Variants in MSI2 observed in about 807,000 individuals in gnomAD.
The protein encoded by MSI2 is RNA-binding protein Musashi homolog 2.
In MSI2, 17 loss-of-function variants were observed where a neutral mutation model predicts 45.6. That is an observed-to-expected ratio of 0.37 (90% CI 0.26 to 0.56). The LOEUF is 0.56. Ranked by LOEUF, MSI2 falls within the 20% of genes least tolerant of loss-of-function variation. The pLI is 0.77. For synonymous variants in MSI2, 156 were observed against 158.2 expected (o/e 0.99, Z 0.11); for missense variants, 293 against 444.2 (o/e 0.66, Z 3.06).
Position 57,291,806 on chromosome 17 carries a change from G to C in MSI2, c.312+29614G>C, listed in dbSNP as rs768358285. On this transcript the variant is annotated intron_variant, in intron 5 of 13. Transcript: ENST00000284073. The stretch of plus-strand genomic sequence containing the variant: ...TGCCTATTGAATAGGTTTTTTTTGA[G>C]TGAAGGACGGGGGAGCTGGAACTGA... Among the ~76,000 whole-genome samples, 4 of 152,128 alleles carry C rather than the reference G, an allele frequency of 2.6e-5. No homozygotes were observed. The East Asian group carries it at 7.7e-4, about 29-fold the overall frequency.
chr17:57,489,952 G>A (rs1192328665), intron 6 of MSI2, among the ~76,000 whole-genome samples: 2 of 152,196 alleles, frequency 1.3e-5, no homozygotes, highest in Non-Finnish European at 2.9e-5. Flanking sequence ...TGACGAGAGG[G>A]TGATTGGAAA....
At chr17:57,349,088 C>T (rs954641921) in intron 5 of MSI2, among the ~76,000 whole-genome samples, 3 of 152,186 alleles carry the variant, frequency 2.0e-5, no homozygotes, top group Non-Finnish European at 2.9e-5. Flanking sequence ...AGAGCATTCT[C>T]GGGCTGCCCT....
chr17:57,518,342 G>T (rs369327700), intron 6 of MSI2, among the ~76,000 whole-genome samples: 1 of 151,812 alleles, frequency 6.6e-6, no homozygotes. Flanking sequence ...CTCCCCAGGC[G>T]TATGGCTGCA....
At chr17:57,265,792 A>T (rs1369514950) in intron 5 of MSI2, 2 of 152,266 alleles carry the variant, frequency 1.3e-5, no homozygotes, top group Middle Eastern at 3.4e-3. Flanking sequence ...TTATCTTTTT[A>T]AAAATTAAAA....
intron 5 of MSI2, among the ~76,000 whole-genome samples, chr17:57,396,847 A>G (rs1052619985): frequency 2.0e-5 from 3 of 152,206 alleles, no homozygotes; most frequent in Admixed American, 6.5e-5. Flanking sequence ...TCCCAGAGTG[A>G]CACCTTAAAC....
At chr17:57,297,190 T>G (rs1438421724) in intron 5 of MSI2, among the ~76,000 whole-genome samples, 3 of 115,236 alleles carry the variant, frequency 2.6e-5, no homozygotes, top group African/African-American at 1.4e-4. Context: ...TTTTTTTTGT[T>G]TTTTTTTTTT....
intron 5 of MSI2, among the ~76,000 whole-genome samples, chr17:57,281,164 C>T (rs1194324949): frequency 2.0e-5 from 3 of 152,052 alleles, no homozygotes; most frequent in Non-Finnish European, 4.4e-5. Context: ...TGTGTGTGCT[C>T]AACCTATGGG....
At chr17:57,625,122 C>T (rs1372386952) in intron 9 of MSI2, among the ~76,000 whole-genome samples, 1 of 152,180 alleles carries the variant, frequency 6.6e-6, no homozygotes, top group African/African-American at 2.4e-5. Context: ...GGCCTCATCA[C>T]ACCCCAAAGG....
intron 7 of MSI2, among the ~76,000 whole-genome samples, chr17:57,532,884 C>A (rs2086850378): frequency 6.6e-6 from 1 of 152,242 alleles, no homozygotes; most frequent in South Asian, 2.1e-4. Context: ...CCCTGTGGGG[C>A]AGCCTGGGGC....
chr17:57,262,128 T>C, intron 4 of MSI2, 23 bp from the exon 5 acceptor site: 1 of 1,613,834 alleles, frequency 6.2e-7, no homozygotes, highest in Admixed American at 1.7e-5. Flanking sequence ...TATTGACTCC[T>C]GCTTTTCTAT....
At chr17:57,686,052 T>G (rs1358979365), downstream of MSI2, among the ~76,000 whole-genome samples, 1 of 152,178 alleles carries the variant, frequency 6.6e-6, no homozygotes, top group Non-Finnish European at 1.5e-5. Flanking sequence ...ATTGTAATGG[T>G]CAAATAAGGT....
At position 57,596,987 on chromosome 17, in the gene MSI2, C is replaced by A; in HGVS notation, c.537+37C>A. ...GGGGTTGCGCTGAAATGGAATGCCC[C>A]CTTTCTCTACGTACACACCCAGTCT... On this transcript the variant is annotated intron_variant, in intron 8 of 13. Transcript: ENST00000284073. This position sits in a 1 kb window ranked among gnomAD's most constrained non-coding sequence, Gnocchi z 4.6. The A allele has an allele frequency of 6.9e-7, 1 of 1,442,840 alleles. No individual in the cohort carries two copies. Among genetic ancestry groups the A allele is most frequent in the Non-Finnish European group, 9.8e-7 (1 of 1,024,604 alleles). 89.4% of individuals were successfully genotyped at this position (1,442,840 alleles called of 1,614,324 possible).
chr17:57,368,462 A>G (rs945212695), intron 5 of MSI2, among the ~76,000 whole-genome samples: 3 of 152,180 alleles, frequency 2.0e-5, no homozygotes, highest in African/African-American at 4.8e-5. Flanking sequence ...AGACTGAGGC[A>G]GGAGAACCCT....
intron 5 of MSI2, among the ~76,000 whole-genome samples, chr17:57,293,909 G>GTT (rs72240746): frequency 0.13 from 18,957 of 145,278 alleles, 2,864 homozygotes; most frequent in African/African-American, 0.36. Context: ...TGCCCAGCCT[G>GTT]TTTTTTTTTT....
At chr17:57,481,437 A>C (rs78198252) in intron 6 of MSI2, among the ~76,000 whole-genome samples, 2,302 of 152,326 alleles carry the variant, frequency 0.015, 69 homozygotes, top group African/African-American at 0.052. Flanking sequence ...GGTATCACTG[A>C]TGATATTGAA....
chr17:57,378,913 C>T (rs1454723204), intron 5 of MSI2, among the ~76,000 whole-genome samples: 3 of 152,106 alleles, frequency 2.0e-5, no homozygotes, highest in African/African-American at 4.8e-5. Flanking sequence ...CTTCTCACAG[C>T]GACATGGGCC....
intron 5 of MSI2, among the ~76,000 whole-genome samples, chr17:57,274,868 G>A (rs1427809138): frequency 6.6e-6 from 1 of 152,060 alleles, no homozygotes; most frequent in African/African-American, 2.4e-5. Context: ...AGCCTTTCTG[G>A]GTTTCAATTC....
chr17:57,379,982 A>G (rs1212056647), intron 5 of MSI2, among the ~76,000 whole-genome samples: 1 of 150,912 alleles, frequency 6.6e-6, no homozygotes, highest in Non-Finnish European at 1.5e-5. Flanking sequence ...AAGTATGTGC[A>G]TGTTAGATAA....
chr17:57,423,387 G>C (rs1013637326), intron 6 of MSI2, among the ~76,000 whole-genome samples: 2 of 152,176 alleles, frequency 1.3e-5, no homozygotes, highest in Admixed American at 1.3e-4. Context: ...TTGTGATCTT[G>C]GGCCTCGTCT....
Sources: allele counts gnomAD v4.1 joint callset (sites outside exome capture counted in the v4.1 genomes callset), GRCh38; gene constraint gnomAD v4.1.1; non-coding constraint Gnocchi (gnomAD v3.1); transcripts MANE v1.5; gene names NCBI Gene and HGNC (gene_info 2026-07-23, HGNC 2026-07-21).